Variants in ASTN2 observed in about 807,000 individuals in gnomAD.
ASTN2 encodes the protein astrotactin-2.
Under a neutral mutation model 139.8 loss-of-function variants are expected in ASTN2, and 54 were observed. The ratio of observed to expected loss-of-function variants is 0.39; its 90% CI spans 0.31 to 0.48. ASTN2 has a LOEUF of 0.48. Ranked by LOEUF, ASTN2 falls within the 20% of genes least tolerant of loss-of-function variation. The probability of loss-of-function intolerance (pLI) is 0.95; values close to 1 mark genes in which losing one functional copy is unlikely to be tolerated. For synonymous variants in ASTN2, 756 were observed against 719.5 expected, an observed-to-expected ratio of 1.05 and a Z score of -0.81; for missense variants, 1,565 against 1,725.1, an observed-to-expected ratio of 0.91 and a Z score of 1.64.
At chr9:116,892,136 T>G (rs1833776798) in intron 10 of ASTN2, among the ~76,000 whole-genome samples, 1 of 152,230 alleles carries the variant, frequency 6.6e-6, no homozygotes, top group South Asian at 2.1e-4. Flanking sequence ...ATTTACTACT[T>G]TAGTAATAGT....
rs542580247 is a variant in ASTN2 at position 116,615,172 on chromosome 9, G to T, written c.3355+3152C>A. Among the ~76,000 whole-genome samples, 52 of 152,266 alleles carry T rather than the reference G, an allele frequency of 3.4e-4. 1 individual carries two copies. The East Asian group carries it at 9.5e-3, about 28-fold the overall frequency. On this transcript the variant is annotated intron_variant, in intron 19 of 22. Transcript: ENST00000313400. ...GAGAAACACAAATCAAAACCACAAT[G>T]AGATACCATCTCACACCAGTTAGAA...
At chr9:117,302,479 T>C (rs1281278362) in intron 1 of ASTN2, among the ~76,000 whole-genome samples, 1 of 152,102 alleles carries the variant, frequency 6.6e-6, no homozygotes, top group Non-Finnish European at 1.5e-5. Context: ...AAAAGTAATT[T>C]AGCAGTATGC....
intron 2 of ASTN2, among the ~76,000 whole-genome samples, chr9:117,224,690 A>C (rs575857274): frequency 6.6e-6 from 1 of 152,354 alleles, no homozygotes; most frequent in East Asian, 1.9e-4. Flanking sequence ...AAATGCATAC[A>C]TTAAAACAGT....
In ASTN2 at chr9:116,699,308, TGCTGAGG is replaced by T. The variant is rs886044106; in HGVS notation, c.2806+26456_2806+26462del. 4 of 1,614,100 alleles carry T rather than the reference TGCTGAGG, an allele frequency of 2.5e-6. No homozygotes were observed. The highest frequency in any genetic ancestry group is 1.3e-5 in the African/African-American group (1 of 74,946). On this transcript the variant is annotated intron_variant, in intron 16 of 22. Transcript: ENST00000313400. The surrounding 1 kb of genome is among the most constrained non-coding windows in gnomAD (Gnocchi z 4.2). The stretch of plus-strand genomic sequence containing the variant: ...TGCGGCCCAAATTTGTCACCTGTGA[TGCTGAGG>T]GCACCGTCTACTTCACCCAGGGCTT...
chr9:117,191,991 T>C (rs751639477), intron 3 of ASTN2, among the ~76,000 whole-genome samples: 10 of 152,184 alleles, frequency 6.6e-5, no homozygotes, highest in Non-Finnish European at 1.3e-4. Flanking sequence ...TGCCCGTTTG[T>C]TTTGCTATCA....
intron 20 of ASTN2, among the ~76,000 whole-genome samples, chr9:116,469,942 C>T (rs749869529): frequency 1.3e-5 from 2 of 152,016 alleles, no homozygotes; most frequent in Admixed American, 6.6e-5. Flanking sequence ...CGGTGGCTCA[C>T]GTCTGTAATC....
intron 6 of ASTN2, among the ~76,000 whole-genome samples, chr9:117,021,543 T>G (rs957847674): frequency 6.6e-6 from 1 of 152,186 alleles, no homozygotes; most frequent in African/African-American, 2.4e-5. Context: ...CAACTGCTAT[T>G]CTTTGTTGTT....
At chr9:117,043,101 C>T (rs1433940002) in intron 5 of ASTN2, among the ~76,000 whole-genome samples, 1 of 152,100 alleles carries the variant, frequency 6.6e-6, no homozygotes, top group African/African-American at 2.4e-5. Flanking sequence ...GAACTCCTGA[C>T]CTCAGGTGAT....
chr9:117,080,208 C>A (rs1437271727), intron 5 of ASTN2, among the ~76,000 whole-genome samples: 1 of 152,092 alleles, frequency 6.6e-6, no homozygotes, highest in Non-Finnish European at 1.5e-5. Flanking sequence ...CTACATATTT[C>A]TTTTTTAAAT....
At chr9:117,141,042 G>A (rs185495283) in intron 4 of ASTN2, among the ~76,000 whole-genome samples, 344 of 152,248 alleles carry the variant, frequency 2.3e-3, no homozygotes, top group Non-Finnish European at 3.6e-3. Context: ...ACTTTGCAGA[G>A]GTCCTGGTGC....
At chr9:117,293,905 G>T (rs190691380) in intron 1 of ASTN2, among the ~76,000 whole-genome samples, 2 of 152,210 alleles carry the variant, frequency 1.3e-5, no homozygotes, top group South Asian at 4.1e-4. Context: ...GGCACTCCAC[G>T]TGCTGAGAGT....
intron 4 of ASTN2, among the ~76,000 whole-genome samples, chr9:117,103,765 C>A (rs1829038023): frequency 6.6e-6 from 1 of 152,114 alleles, no homozygotes; most frequent in African/African-American, 2.4e-5. Flanking sequence ...ATATGTGGTT[C>A]AGGAATGGAA....
intron 5 of ASTN2, among the ~76,000 whole-genome samples, chr9:117,046,936 C>T (rs913836227): frequency 6.6e-6 from 1 of 152,180 alleles, no homozygotes; most frequent in Non-Finnish European, 1.5e-5. Flanking sequence ...CTGATTCACT[C>T]ACTTTTCCTG....
intron 13 of ASTN2, among the ~76,000 whole-genome samples, chr9:116,803,518 A>ATTT (rs1564276214): frequency 3.9e-4 from 2 of 5,086 alleles, no homozygotes; most frequent in Non-Finnish European, 6.4e-4. Context: ...ATATATATAT[A>ATTT]TATATTTTTT....
intron 4 of ASTN2, among the ~76,000 whole-genome samples, chr9:117,123,262 A>G (rs1375845015): frequency 6.6e-6 from 1 of 151,724 alleles, no homozygotes; most frequent in African/African-American, 2.4e-5. Context: ...GCAAAAACAG[A>G]CCTGTGGGCA....
At chr9:117,201,358 T>A (rs541560638) in intron 3 of ASTN2, among the ~76,000 whole-genome samples, 1 of 152,060 alleles carries the variant, frequency 6.6e-6, no homozygotes, top group Non-Finnish European at 1.5e-5. Flanking sequence ...GGGTTTTTCA[T>A]GTCTCTATCT....
chr9:117,055,117 C>T (rs962696024), intron 5 of ASTN2, among the ~76,000 whole-genome samples: 1 of 152,192 alleles, frequency 6.6e-6, no homozygotes, highest in African/African-American at 2.4e-5. Context: ...CAGTCTGCAG[C>T]CTGGGGGACC....
chr9:117,167,194 A>G (rs1395803164), intron 3 of ASTN2, among the ~76,000 whole-genome samples: 3 of 152,128 alleles, frequency 2.0e-5, no homozygotes, highest in Admixed American at 1.3e-4. Flanking sequence ...TGATTTGTCT[A>G]TAATGCTCTA....
chr9:117,055,138 A>G (rs986009689), intron 5 of ASTN2, among the ~76,000 whole-genome samples: 2 of 152,204 alleles, frequency 1.3e-5, no homozygotes, highest in African/African-American at 4.8e-5. Context: ...CCTGTCCTAG[A>G]TGATATCTCC....
Sources: allele counts gnomAD v4.1 joint callset (sites outside exome capture counted in the v4.1 genomes callset), GRCh38; gene constraint gnomAD v4.1.1; non-coding constraint Gnocchi (gnomAD v3.1); transcripts MANE v1.5; gene names NCBI Gene and HGNC (gene_info 2026-07-23, HGNC 2026-07-21).